IFT25: variants seen among roughly 807,000 people sequenced by gnomAD.
IFT25 encodes intraflagellar transport protein 25 homolog.
the IFT25 span, among the ~76,000 whole-genome samples, chr1:53,937,833 T>G: frequency 6.6e-6 from 1 of 152,188 alleles, no homozygotes; most frequent in Non-Finnish European, 1.5e-5. Context: ...CTTAAAGCAG[T>G]TGCCACATTA....
chr1:53,939,849 A>G, the IFT25 span: 59 of 629,024 alleles, frequency 9.4e-5, no homozygotes, highest in Admixed American at 1.9e-3. Flanking sequence ...AAATGGTACC[A>G]AAAGTGGATA....
chr1:53,938,022 C>T, the IFT25 span, among the ~76,000 whole-genome samples: 4 of 152,210 alleles, frequency 2.6e-5, no homozygotes, highest in South Asian at 2.1e-4. Context: ...TTAGAAGACA[C>T]GAGTGTCAGT....
the IFT25 span, among the ~76,000 whole-genome samples, chr1:53,922,319 G>A: frequency 4.0e-5 from 6 of 151,880 alleles, no homozygotes; most frequent in South Asian, 2.1e-4. Flanking sequence ...GCTTGAACCC[G>A]GGAGGCAGAG....
At chr1:53,943,941 G>C in the IFT25 span, among the ~76,000 whole-genome samples, 4 of 152,154 alleles carry the variant, frequency 2.6e-5, no homozygotes, top group African/African-American at 4.8e-5. Context: ...TTTTTTAAAA[G>C]AGAGTTACAC....
chr1:53,940,049 CT>C, the IFT25 span: 1 of 1,610,732 alleles, frequency 6.2e-7, no homozygotes, highest in Non-Finnish European at 8.5e-7. Flanking sequence ...ACTTCGGACC[CT>C]TCAGAGCTCA....
At chr1:53,942,648 T>C in the IFT25 span, among the ~76,000 whole-genome samples, 2 of 152,250 alleles carry the variant, frequency 1.3e-5, no homozygotes, top group African/African-American at 4.8e-5. Context: ...GTGTACTCTA[T>C]CTGCCCCTAA....
the IFT25 span, among the ~76,000 whole-genome samples, chr1:53,917,653 C>A: frequency 6.6e-6 from 1 of 152,058 alleles, no homozygotes; most frequent in African/African-American, 2.4e-5. Flanking sequence ...TGGTGAGACC[C>A]CCAACTCTAC....
chr1:53,940,297 T>C, the IFT25 span, among the ~76,000 whole-genome samples: 1 of 152,096 alleles, frequency 6.6e-6, no homozygotes, highest in African/African-American at 2.4e-5. Context: ...CTATTTCTGC[T>C]ACTCTGCTTC....
chr1:53,920,059 A>T, the IFT25 span, among the ~76,000 whole-genome samples: 1 of 152,152 alleles, frequency 6.6e-6, no homozygotes, highest in Admixed American at 6.5e-5. Context: ...TTGGCCTCCC[A>T]AAGTGCTGGG....
At chr1:53,921,691 A>G in the IFT25 span, 41 of 1,613,146 alleles carry the variant, frequency 2.5e-5, no homozygotes, top group South Asian at 2.3e-4. Context: ...TTCTGCAGAA[A>G]CGCTATGCAC....
chr1:53,917,924 C>T, the IFT25 span, among the ~76,000 whole-genome samples: 1 of 152,184 alleles, frequency 6.6e-6, no homozygotes, highest in Admixed American at 6.5e-5. Context: ...GCTCTTAGGT[C>T]TCCTTGAATT....
chr1:53,945,957 G>A, the IFT25 span: 3 of 136,000 alleles, frequency 2.2e-5, no homozygotes, highest in African/African-American at 9.3e-5. Context: ...GCCTCCCAGA[G>A]GCCCCACCCC....
the IFT25 span, chr1:53,916,652 G>C: frequency 4.6e-5 from 14 of 302,576 alleles, no homozygotes; most frequent in Non-Finnish European, 8.5e-5. Flanking sequence ...AATGGTTCCA[G>C]TGTTACAAGA....
chr1:53,943,055 A>T, the IFT25 span, among the ~76,000 whole-genome samples: 1 of 152,194 alleles, frequency 6.6e-6, no homozygotes. Context: ...GTGCTCACAA[A>T]TGGAAAAAGG....
the IFT25 span, among the ~76,000 whole-genome samples, chr1:53,930,410 C>T: frequency 8.9e-3 from 1,360 of 152,280 alleles, 25 homozygotes; most frequent in African/African-American, 0.03. Flanking sequence ...ATTCTAAACT[C>T]CTTCGTATGG....
chr1:53,930,414 C>T, the IFT25 span, among the ~76,000 whole-genome samples: 7 of 152,126 alleles, frequency 4.6e-5, no homozygotes, highest in East Asian at 1.9e-4. Context: ...TAAACTCCTT[C>T]GTATGGCATT....
the IFT25 span, chr1:53,917,013 A>G: frequency 0.18 from 41,685 of 227,010 alleles, 6,080 homozygotes; most frequent in African/African-American, 0.47. Flanking sequence ...GTGTGGTGGC[A>G]GGTGCCTGTA....
chr1:53,911,589 A>G, the IFT25 span, among the ~76,000 whole-genome samples: 1 of 152,162 alleles, frequency 6.6e-6, no homozygotes, highest in Non-Finnish European at 1.5e-5. Context: ...CAGATATGTT[A>G]TCTCATTTAA....
At chr1:53,933,572 A>C in the IFT25 span, among the ~76,000 whole-genome samples, 2 of 152,186 alleles carry the variant, frequency 1.3e-5, no homozygotes, top group East Asian at 3.9e-4. Context: ...TGTAGGATGC[A>C]TCTTCTTTCA....
Sources: allele counts gnomAD v4.1 joint callset (sites outside exome capture counted in the v4.1 genomes callset), GRCh38; gene constraint gnomAD v4.1.1; transcripts MANE v1.5; gene names NCBI Gene and HGNC (gene_info 2026-07-23, HGNC 2026-07-21).